The following GTPBP10 variants were observed in gnomAD, a reference collection of about 807,000 sequenced individuals.
The protein encoded by GTPBP10 is GTP binding protein 10, also known as GTP-binding protein 10.
A neutral mutation model predicts 44.8 loss-of-function variants in GTPBP10; 38 were observed. The observed-to-expected ratio is 0.85, with a 90% CI of 0.65 to 1.11. GTPBP10 has a LOEUF of 1.11. Ranked by LOEUF, GTPBP10 falls within the 50% of genes most tolerant of loss-of-function variation. The pLI, the probability that GTPBP10 is intolerant of heterozygous loss-of-function variation, is 0.00. For synonymous variants in GTPBP10, 152 were observed against 150.6 expected (o/e 1.01, Z -0.07); for missense variants, 462 against 453.7 (o/e 1.02, Z -0.17).
chr7:90,380,710 A>G (rs1796421805), intron 8 of GTPBP10, among the ~76,000 whole-genome samples: 1 of 152,234 alleles, frequency 6.6e-6, no homozygotes, highest in Non-Finnish European at 1.5e-5. Flanking sequence ...CATTAACTAT[A>G]GTCATCATAC....
intron 9 of GTPBP10, among the ~76,000 whole-genome samples, chr7:90,384,601 C>CCA (rs1491410852): frequency 6.6e-6 from 1 of 151,746 alleles, no homozygotes; most frequent in Non-Finnish European, 1.5e-5. Context: ...TTAACCCCCC[C>CCA]CACACACACA....
At chr7:90,372,417 C>T (rs1176424871) in intron 5 of GTPBP10, among the ~76,000 whole-genome samples, 189 bp downstream of exon 5, 3 of 140,882 alleles carry the variant, frequency 2.1e-5, no homozygotes, top group African/African-American at 8.3e-5. Context: ...CAGGCTCAAG[C>T]CATCCCCCTG....
intron 8 of GTPBP10, among the ~76,000 whole-genome samples, chr7:90,381,648 C>T (rs184987278): frequency 2.6e-5 from 4 of 152,318 alleles, no homozygotes; most frequent in East Asian, 1.9e-4. Flanking sequence ...AAGCTTCACA[C>T]TACCTAATTT....
rs1796565446 is a variant in GTPBP10 at position 90,388,625 on chromosome 7, A to C, written c.*3471A>C. 1.3e-5 allele frequency: 2 copies of C among 152,212 alleles called. No individual in the cohort carries two copies. The highest frequency in any genetic ancestry group is 2.4e-5 in the African/African-American group (1 of 41,454). 9.4% of individuals were successfully genotyped at this position (152,212 alleles called of 1,614,324 possible). ...ATGGTAAACATGTATTAGTTACATA[A>C]TCAGGAAAAAAGTCATCTTTTATAA... On this transcript the variant is annotated 3_prime_UTR_variant, in exon 10 of 10. Transcript: ENST00000222511.
intron 4 of GTPBP10, among the ~76,000 whole-genome samples, chr7:90,361,060 A>G (rs1215695271): frequency 6.6e-6 from 1 of 152,212 alleles, no homozygotes; most frequent in Non-Finnish European, 1.5e-5. Flanking sequence ...TTCTAAATAT[A>G]CAATCTTGTC....
chr7:90,355,953 C>T (rs984867511), intron 4 of GTPBP10, among the ~76,000 whole-genome samples: 2 of 151,446 alleles, frequency 1.3e-5, no homozygotes, highest in African/African-American at 4.9e-5. Flanking sequence ...GCTCTCTCTC[C>T]CCCATCCCCC....
chr7:90,352,747 A>G, intron 1 of GTPBP10, 69 bp from the exon 2 acceptor site: 1 of 1,198,496 alleles, frequency 8.3e-7, no homozygotes, highest in East Asian at 2.6e-5. Context: ...AGTGGAAGAA[A>G]GAACTAGAAA....
At chr7:90,365,524 C>T (rs1292156344) in intron 4 of GTPBP10, among the ~76,000 whole-genome samples, 44 of 150,878 alleles carry the variant, frequency 2.9e-4, no homozygotes, top group South Asian at 2.1e-4. Context: ...TACAGGCGCC[C>T]GCCACTACGC....
chr7:90,353,061 A>ATT, intron 2 of GTPBP10, 52 bp downstream of exon 2: 5 of 1,187,038 alleles, frequency 4.2e-6, no homozygotes, highest in Non-Finnish European at 3.4e-6. Context: ...CCTTCTGGAA[A>ATT]TTTTTTTTTT....
Position 90,378,132 on chromosome 7 carries a change from A to G in GTPBP10, c.700-2A>G. ...CTGTCTCTTTCCTTCTCTTTTTTTT[A>G]GGTTGATATTTCTGGATTTCAGCTT... On this transcript the variant is annotated splice_acceptor_variant, in intron 7 of 9. Transcript: ENST00000222511. LOFTEE classifies it high-confidence loss of function. 1.2e-6 allele frequency: 2 copies of G among 1,608,292 alleles called. No homozygotes were observed. The highest frequency in any genetic ancestry group is 1.7e-6 in the Non-Finnish European group (2 of 1,176,022).
chr7:90,370,540 G>A (rs756573980), intron 4 of GTPBP10, among the ~76,000 whole-genome samples: 1 of 151,966 alleles, frequency 6.6e-6, no homozygotes, highest in African/African-American at 2.4e-5. Flanking sequence ...TTGGAGACTC[G>A]GAGGGAGGAC....
chr7:90,388,612 T>C lies in GTPBP10; in HGVS notation c.*3458T>C, dbSNP rs1469383934. The C allele has an allele frequency of 6.6e-6, 1 of 152,202 alleles. No homozygotes were observed. The highest frequency in any genetic ancestry group is 1.5e-5 in the Non-Finnish European group (1 of 68,024). The allele number at this position is 152,202 out of a possible 1,614,324, so 9.4% of individuals were successfully genotyped here. On this transcript the variant is annotated 3_prime_UTR_variant, in exon 10 of 10. Transcript: ENST00000222511. ...GAACTTTTTTAAAATGGTAAACATG[T>C]ATTAGTTACATAATCAGGAAAAAAG...
At chr7:90,363,623 T>C (rs1796072383) in intron 4 of GTPBP10, among the ~76,000 whole-genome samples, 2 of 152,332 alleles carry the variant, frequency 1.3e-5, no homozygotes, top group African/African-American at 4.8e-5. Flanking sequence ...TTTGAGTTGC[T>C]CTTTTTGAAG....
intron 4 of GTPBP10, among the ~76,000 whole-genome samples, chr7:90,360,194 T>G (rs1361131922): frequency 6.6e-6 from 1 of 152,178 alleles, no homozygotes; most frequent in Non-Finnish European, 1.5e-5. Context: ...TTTTGGTGTT[T>G]TAGACATGAA....
rs1244136483 is a variant in GTPBP10, at chr7:90,379,558, A to G, written c.777+1347A>G. On this transcript the variant is annotated intron_variant, in intron 8 of 9. Transcript: ENST00000222511. ...CTCTAAGACAACATGGTATTGCCTT[A>G]CCTCCAGGATTTTATAGATCCTATT... is the stretch of plus-strand genomic sequence containing the variant. 4.6e-5 allele frequency among the ~76,000 whole-genome samples: 7 copies of G among 152,144 alleles called. No individual in the cohort carries two copies. In the East Asian group the frequency reaches 1.2e-3, roughly 25 times the overall value.
chr7:90,347,505 A>G (rs1000320132), intron 1 of GTPBP10: 2 of 500,158 alleles, frequency 4.0e-6, no homozygotes, highest in African/African-American at 4.2e-5. Context: ...TTTCTTGAAA[A>G]AAAAATCCCA....
intron 6 of GTPBP10, among the ~76,000 whole-genome samples, chr7:90,376,776 AAAT>A (rs1422145587): frequency 2.7e-4 from 41 of 152,352 alleles, no homozygotes; most frequent in African/African-American, 9.9e-4. Context: ...GGTGCCAAAT[AAAT>A]AATTACAAAT....
rs1796606652 is a variant in GTPBP10 at position 90,391,052 on chromosome 7, G to A, written c.*5898G>A. The A allele has an allele frequency of 6.6e-6, 1 of 152,108 alleles. No individual in the cohort carries two copies. Among genetic ancestry groups the A allele is most frequent in the South Asian group, 2.1e-4 (1 of 4,820 alleles). The allele number at this position is 152,108 out of a possible 1,614,324, so 9.4% of individuals were successfully genotyped here. On this transcript the variant is annotated 3_prime_UTR_variant, in exon 10 of 10. Coordinates refer to ENST00000222511, the MANE Select transcript of GTPBP10 (RefSeq NM_033107.4). ...TGAATTCTAATGGGGGAAATAAGAGGACTATATAAAAATTGAACCTCTGTT... is the reference window on the plus strand; with the variant it reads ...TGAATTCTAATGGGGGAAATAAGAGAACTATATAAAAATTGAACCTCTGTT...
chr7:90,361,500 A>G (rs1472250196), intron 4 of GTPBP10, among the ~76,000 whole-genome samples: 1 of 152,184 alleles, frequency 6.6e-6, no homozygotes, highest in African/African-American at 2.4e-5. Flanking sequence ...ATCATGGTGG[A>G]TAAGCTTTTT....
Sources: gnomAD v4.1 joint callset for allele counts (sites outside exome capture counted in the v4.1 genomes callset) on GRCh38, gnomAD v4.1.1 for gene constraint, MANE v1.5 for transcripts, NCBI Gene and HGNC (gene_info 2026-07-23, HGNC 2026-07-21) for gene names.